The following NCK2 variants were observed in gnomAD, a reference collection of about 807,000 sequenced individuals.
NCK2 encodes the protein NCK adaptor protein 2.
In NCK2, 16 loss-of-function variants were observed where a neutral mutation model predicts 33.9. The ratio of observed to expected loss-of-function variants is 0.47; its 90% CI spans 0.32 to 0.72. The LOEUF (loss-of-function observed/expected upper bound fraction) is 0.72, where lower values mean the gene tolerates loss of function less well. Ranked by LOEUF, NCK2 falls within the 30% of genes least tolerant of loss-of-function variation. The pLI, the probability that NCK2 is intolerant of heterozygous loss-of-function variation, is 0.03. For missense variants in NCK2, 418 were observed against 537.3 expected (o/e 0.78, Z 2.19); for synonymous variants, 273 against 239.9 (o/e 1.14, Z -1.27).
At chr2:105,752,253 A>C (rs1689476864) in intron 1 of NCK2, among the ~76,000 whole-genome samples, 1 of 152,222 alleles carries the variant, frequency 6.6e-6, no homozygotes, top group Admixed American at 6.5e-5. Context: ...AGTGGAAACA[A>C]TGTAGAATAA....
At chr2:105,802,274 G>T (rs1674869726) in intron 1 of NCK2, among the ~76,000 whole-genome samples, 1 of 152,202 alleles carries the variant, frequency 6.6e-6, no homozygotes, top group Admixed American at 6.5e-5. Flanking sequence ...ATGTGGTGTG[G>T]GAGGCTGGGC....
At chr2:105,857,019 TTG>T (rs895730105) in intron 3 of NCK2, 1 of 141,806 alleles carries the variant, frequency 7.1e-6, no homozygotes, top group Non-Finnish European at 1.5e-5. Context: ...TGTTGACTTG[TTG>T]TGTGTCTTCT....
At chr2:105,831,041 T>C (rs767517666) in intron 2 of NCK2, among the ~76,000 whole-genome samples, 19 of 152,208 alleles carry the variant, frequency 1.2e-4, no homozygotes, top group Non-Finnish European at 2.6e-4. Flanking sequence ...TCTCTTCATT[T>C]GATTATTTCC....
intron 1 of NCK2, among the ~76,000 whole-genome samples, chr2:105,803,588 A>G (rs956550534): frequency 1.3e-5 from 2 of 152,348 alleles, no homozygotes; most frequent in Middle Eastern, 3.4e-3. Flanking sequence ...CGGAACTGGC[A>G]TTAGCATCCA....
At chr2:105,784,075 A>G (rs534552537) in intron 1 of NCK2, among the ~76,000 whole-genome samples, 1 of 152,276 alleles carries the variant, frequency 6.6e-6, no homozygotes, top group East Asian at 1.9e-4. Context: ...GGCAGTGATG[A>G]AATTCATTTT....
At chr2:105,874,683 G>A (rs1010070131) in intron 3 of NCK2, among the ~76,000 whole-genome samples, 1 of 152,170 alleles carries the variant, frequency 6.6e-6, no homozygotes, top group Non-Finnish European at 1.5e-5. Context: ...AACTCCAGCT[G>A]GAAGATGACA....
At chr2:105,836,474 G>T (rs533175661) in intron 2 of NCK2, among the ~76,000 whole-genome samples, 2 of 152,148 alleles carry the variant, frequency 1.3e-5, no homozygotes, top group Non-Finnish European at 2.9e-5. Flanking sequence ...AAGGACAGTG[G>T]GTGGGCTGGT....
intron 1 of NCK2, among the ~76,000 whole-genome samples, chr2:105,784,755 C>T (rs890216774): frequency 2.6e-5 from 4 of 152,160 alleles, no homozygotes; most frequent in Non-Finnish European, 4.4e-5. Flanking sequence ...TCCATCCGTT[C>T]CTCAGCAGCC....
rs528626809 is a variant in NCK2, at chr2:105,820,087, C to G, written c.-17+3474C>G. On this transcript the variant is annotated intron_variant, in intron 2 of 4. Transcript: ENST00000233154. ...CCCTTTAGGGGACAGTATGGAAAAG[C>G]CAGGAGATGTTACGTTGGGAATAAG... Among the ~76,000 whole-genome samples, 626 of 152,228 alleles carry G rather than the reference C, an allele frequency of 4.1e-3. 1 individual carries two copies. Among genetic ancestry groups the G allele is most frequent in the Non-Finnish European group, 7.1e-3 (485 of 68,020 alleles).
intron 4 of NCK2, among the ~76,000 whole-genome samples, chr2:105,886,245 T>C (rs1678715606): frequency 6.6e-6 from 1 of 152,266 alleles, no homozygotes; most frequent in Non-Finnish European, 1.5e-5. Flanking sequence ...TATTTAACTC[T>C]TGAAGATGGA....
At chr2:105,833,634 A>G (rs2104528926) in intron 2 of NCK2, among the ~76,000 whole-genome samples, 1 of 152,006 alleles carries the variant, frequency 6.6e-6, no homozygotes, top group South Asian at 2.1e-4. Context: ...ATATTTTTAA[A>G]TAAACAACTT....
At chr2:105,820,278 A>G (rs1473437280) in intron 2 of NCK2, among the ~76,000 whole-genome samples, 2 of 152,244 alleles carry the variant, frequency 1.3e-5, no homozygotes, top group East Asian at 1.9e-4. Flanking sequence ...TTGAAGTGCC[A>G]ACAGGGAAAG....
At chr2:105,801,393 A>G (rs554527402) in intron 1 of NCK2, among the ~76,000 whole-genome samples, 1 of 149,614 alleles carries the variant, frequency 6.7e-6, no homozygotes, top group Admixed American at 6.6e-5. Context: ...GTGCACCAGC[A>G]CGTGGTTGAG....
At chr2:105,758,730 A>G (rs1327597962) in intron 1 of NCK2, among the ~76,000 whole-genome samples, 1 of 152,122 alleles carries the variant, frequency 6.6e-6, no homozygotes, top group African/African-American at 2.4e-5. Context: ...TTTTAAATGC[A>G]GTGTTTGAAA....
chr2:105,805,372 G>A (rs542896447), intron 1 of NCK2, among the ~76,000 whole-genome samples: 1 of 152,130 alleles, frequency 6.6e-6, no homozygotes, highest in East Asian at 1.9e-4. Flanking sequence ...AAAACTAATT[G>A]TACTTTAAGA....
At chr2:105,848,183 A>G (rs1352593327) in intron 2 of NCK2, among the ~76,000 whole-genome samples, 20 of 152,210 alleles carry the variant, frequency 1.3e-4, no homozygotes, top group Admixed American at 1.3e-3. Context: ...TTTCCTGTAG[A>G]CTGGCTCATT....
chr2:105,847,512 G>A (rs1676897954), intron 2 of NCK2, among the ~76,000 whole-genome samples: 1 of 152,088 alleles, frequency 6.6e-6, no homozygotes. Flanking sequence ...AGGTGGAAAT[G>A]CAGGTGTGCA....
intron 3 of NCK2, among the ~76,000 whole-genome samples, chr2:105,857,849 AG>A (rs1433669287): frequency 6.6e-6 from 1 of 152,132 alleles, no homozygotes; most frequent in Admixed American, 6.5e-5. Context: ...TGCCCTGTTG[AG>A]CTGCATCCAG....
intron 1 of NCK2, among the ~76,000 whole-genome samples, chr2:105,770,656 T>C (rs1039550946): frequency 6.6e-6 from 1 of 152,240 alleles, no homozygotes; most frequent in Admixed American, 6.5e-5. Flanking sequence ...CTTGTGTGAA[T>C]CACAGAGTGC....
Sources: allele counts gnomAD v4.1 joint callset (sites outside exome capture counted in the v4.1 genomes callset), GRCh38; gene constraint gnomAD v4.1.1; transcripts MANE v1.5; gene names NCBI Gene and HGNC (gene_info 2026-07-23, HGNC 2026-07-21).